Variants in PPP1CB observed in about 807,000 individuals in gnomAD.
PPP1CB encodes serine/threonine-protein phosphatase PP1-beta catalytic subunit.
A neutral mutation model predicts 43.7 loss-of-function variants in PPP1CB; 2 were observed. The ratio of observed to expected loss-of-function variants is 0.05; its 90% CI spans 0.02 to 0.14. The LOEUF (loss-of-function observed/expected upper bound fraction) is 0.14, where lower values mean the gene tolerates loss of function less well. Ranked by LOEUF, PPP1CB falls within the 10% of genes least tolerant of loss-of-function variation. The probability of loss-of-function intolerance (pLI) is 1.00; values close to 1 mark genes in which losing one functional copy is unlikely to be tolerated. For synonymous variants in PPP1CB, 136 were observed against 135.6 expected (o/e 1.00, Z -0.02); for missense variants, 84 against 398.0 (o/e 0.21, Z 6.71).
chr2:28,796,273 G>A (rs1236676659), intron 7 of PPP1CB, among the ~76,000 whole-genome samples: 2 of 152,062 alleles, frequency 1.3e-5, no homozygotes, highest in African/African-American at 4.8e-5. Context: ...GGCTATTCGG[G>A]CTCTTTTTCA....
rs998379701 is a variant in PPP1CB, at chr2:28,800,409, A to G, written c.*1106A>G. On this transcript the variant is annotated 3_prime_UTR_variant, in exon 8 of 8. Transcript: ENST00000395366. ...TGTCAACTATGGGTATTGGGTGCTT[A>G]ACTGTCTAATATTGCCATGTGAATG... The G allele has an allele frequency of 6.6e-6, 1 of 152,188 alleles. No homozygotes were observed. The highest frequency in any genetic ancestry group is 1.5e-5 in the Non-Finnish European group (1 of 67,842). The allele number at this position is 152,188 out of a possible 1,614,324, so 9.4% of individuals were successfully genotyped here. A position where few individuals can be genotyped will look rare whatever the true frequency, so the allele number is the denominator to read the frequency against.
intron 2 of PPP1CB, chr2:28,777,229 A>T (rs1572457700): frequency 4.4e-6 from 1 of 226,326 alleles, no homozygotes; most frequent in East Asian, 9.1e-5. Flanking sequence ...TATAAATAAG[A>T]GAAAGGCGAT....
At position 28,763,236 on chromosome 2, in the gene PPP1CB, G is replaced by A. The variant is rs545122738; in HGVS notation, c.52+11060G>A. On this transcript the variant is annotated intron_variant, in intron 1 of 7. Transcript: ENST00000395366. Reference sequence around the variant, plus strand: ...AGATTATTAAAGAGATGTATTCAAAGATTGAAGTTTAATAAAATTGATCAT... The same window carrying A: ...AGATTATTAAAGAGATGTATTCAAAAATTGAAGTTTAATAAAATTGATCAT... Among the ~76,000 whole-genome samples, 237 of 152,290 alleles carry A rather than the reference G, an allele frequency of 1.6e-3. 1 individual carries two copies. Among genetic ancestry groups the A allele is most frequent in the Non-Finnish European group, 3.0e-3 (201 of 68,022 alleles).
intron 5 of PPP1CB, among the ~76,000 whole-genome samples, chr2:28,786,282 T>A (rs915937255): frequency 4.6e-5 from 7 of 151,998 alleles, no homozygotes; most frequent in African/African-American, 1.7e-4. Flanking sequence ...CCCAGCTAAT[T>A]TTTGTATGTT....
At chr2:28,773,737 G>A (rs1243209193) in intron 1 of PPP1CB, among the ~76,000 whole-genome samples, 8 of 152,164 alleles carry the variant, frequency 5.3e-5, no homozygotes, top group Non-Finnish European at 1.2e-4. Context: ...AGCTGGGATT[G>A]CCCTGGGACA....
chr2:28,771,360 A>G (rs1039092066), intron 1 of PPP1CB, among the ~76,000 whole-genome samples: 7 of 152,032 alleles, frequency 4.6e-5, no homozygotes, highest in South Asian at 2.1e-4. Context: ...CTTATTCCCA[A>G]TTTAACACCT....
In PPP1CB at chr2:28,788,753, G is replaced by A; in HGVS notation, c.688G>A (p.Val230Ile). ...RGVSFTFGADVVSKFLNRHDL... is the reference protein window; with the variant it reads ...RGVSFTFGADIVSKFLNRHDL... ...TGTTTCCTTTACTTTTGGAGCTGAT[G>A]TAGTCAGTAAATTTCTGAATCGTCA... Residue 230 changes from valine (V) to isoleucine (I), a missense_variant, in exon 6 of 8, where the codon GTA becomes ATA. This residue lies in a region of PPP1CB where 11 missense variants were observed against 17.3 expected (regional missense o/e 0.64). Coordinates refer to ENST00000395366, the MANE Select transcript of PPP1CB (RefSeq NM_002709.3). 6.2e-7 allele frequency: 1 copy of A among 1,613,872 alleles called. No individual in the cohort carries two copies. The highest frequency in any genetic ancestry group is 8.5e-7 in the Non-Finnish European group (1 of 1,179,906).
Position 28,783,985 on chromosome 2 carries a change from G to A in PPP1CB, c.592+7G>A. 1 of 1,587,476 alleles carries A rather than the reference G, an allele frequency of 6.3e-7. No homozygotes were observed. The highest frequency in any genetic ancestry group is 1.3e-5 in the African/African-American group (1 of 74,416). ...ACTGATGTCCCTGATACAGGTAAGTGTAGAGAGAAGTTTAATTGTTTTGTG... is the reference window on the plus strand; with the variant it reads ...ACTGATGTCCCTGATACAGGTAAGTATAGAGAGAAGTTTAATTGTTTTGTG... On this transcript the variant is annotated splice_region_variant and intron_variant, in intron 5 of 7. Transcript: ENST00000395366.
rs936159127 is a variant in PPP1CB at position 28,801,040 on chromosome 2, T to C, written c.*1737T>C. 1.3e-5 allele frequency: 2 copies of C among 152,546 alleles called. No individual in the cohort carries two copies. Among genetic ancestry groups the C allele is most frequent in the East Asian group, 3.8e-4 (2 of 5,200 alleles). The allele number at this position is 152,546 out of a possible 1,614,324, so 9.4% of individuals were successfully genotyped here. On this transcript the variant is annotated 3_prime_UTR_variant, in exon 8 of 8. Transcript: ENST00000395366. ...TTTAGTAAAAGTTGTCTAATTGATA[T>C]GAAGCCTGACTGATTTTTTTTTTCC...
At chr2:28,794,449 G>C (rs762036641) in intron 7 of PPP1CB, among the ~76,000 whole-genome samples, 1 of 152,126 alleles carries the variant, frequency 6.6e-6, no homozygotes, top group African/African-American at 2.4e-5. Flanking sequence ...CCAGCACTTC[G>C]GGAGGCTGAG....
At chr2:28,799,008 T>A (rs1452200260) in intron 7 of PPP1CB, among the ~76,000 whole-genome samples, 191 bp from the exon 8 acceptor site, 2 of 152,076 alleles carry the variant, frequency 1.3e-5, no homozygotes, top group Non-Finnish European at 2.9e-5. Context: ...GTACTTTTGT[T>A]ATTAAAATAT....
chr2:28,767,514 A>C (rs1218700069), intron 1 of PPP1CB, among the ~76,000 whole-genome samples: 1 of 152,228 alleles, frequency 6.6e-6, no homozygotes, highest in Non-Finnish European at 1.5e-5. Flanking sequence ...AAAAGTAAAT[A>C]AAATGTTGCA....
intron 5 of PPP1CB, among the ~76,000 whole-genome samples, chr2:28,787,302 A>C (rs1170578841): frequency 6.6e-6 from 1 of 152,060 alleles, no homozygotes. Flanking sequence ...TACTAAAAAT[A>C]CAAAAAATTA....
intron 1 of PPP1CB, among the ~76,000 whole-genome samples, chr2:28,752,395 G>A (rs1666330775): frequency 6.6e-6 from 1 of 152,174 alleles, no homozygotes; most frequent in African/African-American, 2.4e-5. Flanking sequence ...GGGAGAGGGG[G>A]CCGTTCCCGC....
intron 6 of PPP1CB, among the ~76,000 whole-genome samples, chr2:28,791,560 C>T (rs753994472): frequency 3.9e-5 from 6 of 152,106 alleles, no homozygotes; most frequent in Non-Finnish European, 8.8e-5. Context: ...GAACTCCTGA[C>T]CTCGTGATCT....
chr2:28,778,502 T>A (rs1572458610), intron 2 of PPP1CB: 2 of 493,140 alleles, frequency 4.1e-6, no homozygotes, highest in Middle Eastern at 3.7e-4. Context: ...CAGTTCCAAA[T>A]GAGCTGTTGG....
Position 28,800,226 on chromosome 2 carries a change from C to CTTTTTTTTTTTTTTTTTTTTTTTTTTCT in PPP1CB, c.*946_*947insTTTCTTTTTTTTTTTTTTTTTTTTTTTT, listed in dbSNP as rs55736905. 1.5e-5 allele frequency: 1 copy of CTTTTTTTTTTTTTTTTTTTTTTTTTTCT among 65,628 alleles called. No homozygotes were observed. The allele number at this position is 65,628 out of a possible 1,614,324, so 4.1% of individuals were successfully genotyped here. ...TTGGTTTTCTTTTTCTTTTTTCTTT[C>CTTTTTTTTTTTTTTTTTTTTTTTTTTCT]TTTTTTTTTTTTTTTTTTTTTTTGA... On this transcript the variant is annotated 3_prime_UTR_variant, in exon 8 of 8. Coordinates refer to ENST00000395366, the MANE Select transcript of PPP1CB (RefSeq NM_002709.3).
At chr2:28,789,269 A>C (rs1238312426) in intron 6 of PPP1CB, among the ~76,000 whole-genome samples, 1 of 151,922 alleles carries the variant, frequency 6.6e-6, no homozygotes, top group African/African-American at 2.4e-5. Flanking sequence ...CACTTTGGCA[A>C]GCTGAGATGG....
chr2:28,799,069 G>A, intron 7 of PPP1CB, 130 bp from the exon 8 acceptor site: 1 of 632,122 alleles, frequency 1.6e-6, no homozygotes, highest in African/African-American at 1.9e-5. Flanking sequence ...AATGTTTATG[G>A]AACTTTGCTA....
Sources: allele counts gnomAD v4.1 joint callset (sites outside exome capture counted in the v4.1 genomes callset), GRCh38; gene constraint gnomAD v4.1.1; regional missense constraint gnomAD v4.1.1; transcripts MANE v1.5; gene names NCBI Gene and HGNC (gene_info 2026-07-23, HGNC 2026-07-21).